The following CHM variants were observed in gnomAD, a reference collection of about 807,000 sequenced individuals.
CHM encodes the protein CHM Rab escort protein, also known as rab proteins geranylgeranyltransferase component A 1.
Under a neutral mutation model 49.0 loss-of-function variants are expected in CHM, and 10 were observed. That is an observed-to-expected ratio of 0.20 (90% CI 0.13 to 0.35). The LOEUF is 0.35. Ranked by LOEUF, CHM falls within the 10% of genes least tolerant of loss-of-function variation. The pLI, the probability that CHM is intolerant of heterozygous loss-of-function variation, is 1.00. For synonymous variants in CHM, 184 were observed against 167.5 expected (o/e 1.10, Z -0.76); for missense variants, 455 against 478.4 (o/e 0.95, Z 0.46).
At chrX:86,032,016 A>C (rs1332542114) in intron 1 of CHM, among the ~76,000 whole-genome samples, 3 of 112,382 alleles carry the variant, frequency 2.7e-5, no homozygotes, top group Non-Finnish European at 5.6e-5. Flanking sequence ...TGTTTTGTTT[A>C]AATTAATATT....
chrX:86,006,032 G>A (rs990826625), intron 2 of CHM, among the ~76,000 whole-genome samples: 1 of 111,501 alleles, frequency 9.0e-6, no homozygotes, highest in Non-Finnish European at 1.9e-5. Context: ...CTGGGAAACC[G>A]AATACACCAG....
intron 9 of CHM, among the ~76,000 whole-genome samples, chrX:85,901,906 T>C (rs16980331): frequency 0.17 from 18,966 of 111,048 alleles, 1,548 homozygotes; most frequent in Non-Finnish European, 0.25. Context: ...CTTCTTTCAA[T>C]GTGTCTAGAT....
chrX:85,908,045 G>A (rs1443267262), intron 9 of CHM, among the ~76,000 whole-genome samples: 1 of 111,593 alleles, frequency 9.0e-6, no homozygotes, highest in Non-Finnish European at 1.9e-5. Context: ...GTTCTTAACT[G>A]TCCTAAAGAG....
chrX:86,013,625 C>T (rs1933168909), intron 2 of CHM, among the ~76,000 whole-genome samples: 1 of 109,043 alleles, frequency 9.2e-6, no homozygotes, highest in Non-Finnish European at 1.9e-5. Context: ...GTCCCAGCTA[C>T]TCGGGAGGCT....
intron 8 of CHM, among the ~76,000 whole-genome samples, chrX:85,924,007 A>G (rs1357847122): frequency 8.9e-6 from 1 of 111,891 alleles, no homozygotes; most frequent in African/African-American, 3.3e-5. Flanking sequence ...ACAGTAGGAA[A>G]CGAGGACGCA....
At chrX:86,025,726 G>GAA (rs147826568) in intron 2 of CHM, among the ~76,000 whole-genome samples, 18 of 98,207 alleles carry the variant, frequency 1.8e-4, no homozygotes, top group South Asian at 4.7e-4. Context: ...AAAAGAAAAA[G>GAA]AAAAAAAAAA....
intron 2 of CHM, among the ~76,000 whole-genome samples, chrX:85,985,490 G>A (rs1415939393): frequency 9.0e-6 from 1 of 111,408 alleles, no homozygotes; most frequent in African/African-American, 3.3e-5. Context: ...CAGCCTTCAG[G>A]CTTCGGAGAG....
Position 85,894,230 on chromosome X carries a change from T to C in CHM, c.1468A>G (p.Ile490Val). 8.3e-7 allele frequency: 1 copy of C among 1,210,848 alleles called. No individual in the cohort carries two copies. Residue 490 changes from isoleucine (I) to valine (V), a missense_variant, in exon 12 of 15, where the codon ATT (isoleucine) becomes GTT (valine). Coordinates refer to ENST00000357749, the MANE Select transcript of CHM (RefSeq NM_000390.4). The part of the protein sequence containing the change: ...EEPGTFAVRV[I>V]ELCSSTMTCM... ...GTCATCGTTGAAGAACATAACTCAA[T>C]GACCCGAACAGCAAAAGTTCCTGGT... is the stretch of plus-strand genomic sequence containing the variant.
chrX:85,884,900 A>G (rs1451661514), intron 12 of CHM, among the ~76,000 whole-genome samples: 1 of 111,182 alleles, frequency 9.0e-6, no homozygotes, highest in Admixed American at 9.6e-5. Context: ...TGAGAATTAT[A>G]CATTTTATCT....
rs1376693278 is a variant in CHM at position 85,861,437 on chromosome X, G to A, written c.*3193C>T. 1 of 111,286 alleles carries A rather than the reference G, an allele frequency of 9.0e-6. No homozygotes were observed. Among genetic ancestry groups the A allele is most frequent in the African/African-American group, 3.3e-5 (1 of 30,669 alleles). The allele number at this position is 111,286 out of a possible 1,213,427, so 9.2% of individuals were successfully genotyped here. A position where few individuals can be genotyped will look rare whatever the true frequency, so the allele number is the denominator to read the frequency against. On this transcript the variant is annotated 3_prime_UTR_variant, in exon 15 of 15. Transcript: ENST00000357749. ...TAGGACTTTAGACAAAGGCTACCAA[G>A]GCTGACAATCCAGGTAACTATGGCA... is the stretch of plus-strand genomic sequence containing the variant.
At chrX:85,920,196 C>T (rs763509466) in intron 8 of CHM, among the ~76,000 whole-genome samples, 138 of 109,629 alleles carry the variant, frequency 1.3e-3, no homozygotes, top group African/African-American at 3.8e-3. Flanking sequence ...CCCTGGTTCA[C>T]GCCATTCTCC....
At chrX:86,005,651 T>G (rs1393614115) in intron 2 of CHM, among the ~76,000 whole-genome samples, 1 of 111,817 alleles carries the variant, frequency 8.9e-6, no homozygotes, top group Non-Finnish European at 1.9e-5. Flanking sequence ...GCAAATAAAT[T>G]AGAAAATCTA....
At chrX:85,964,494 GTTGTT>G (rs1039219269) in intron 4 of CHM, among the ~76,000 whole-genome samples, 11 of 110,836 alleles carry the variant, frequency 9.9e-5, no homozygotes, top group African/African-American at 3.6e-4. Context: ...CTACCACAAG[GTTGTT>G]TTGAAGATTA....
chrX:85,886,973 A>G (rs774546063), intron 12 of CHM, among the ~76,000 whole-genome samples: 13 of 105,929 alleles, frequency 1.2e-4, no homozygotes, highest in Non-Finnish European at 2.5e-4. Context: ...AAGAATGCAT[A>G]CTAGATTTTT....
chrX:85,888,288 T>C (rs1368510862), intron 12 of CHM, among the ~76,000 whole-genome samples: 1 of 112,094 alleles, frequency 8.9e-6, no homozygotes, highest in Non-Finnish European at 1.9e-5. Flanking sequence ...CTCATAACGT[T>C]ATGAGTTATT....
At chrX:85,985,962 C>A (rs1931880453) in intron 2 of CHM, among the ~76,000 whole-genome samples, 1 of 111,546 alleles carries the variant, frequency 9.0e-6, no homozygotes, top group Non-Finnish European at 1.9e-5. Flanking sequence ...CTGGACAGAG[C>A]CCCCAGGAGC....
At position 85,862,682 on chromosome X, in the gene CHM, A is replaced by T. The variant is rs1923425113; in HGVS notation, c.*1948T>A. 1 of 111,765 alleles carries T rather than the reference A, an allele frequency of 8.9e-6. No homozygotes were observed. Among genetic ancestry groups the T allele is most frequent in the African/African-American group, 3.3e-5 (1 of 30,715 alleles). 9.2% of individuals were successfully genotyped at this position (111,765 alleles called of 1,213,427 possible). ...GAGGTAGGGATAGGAGCAGCCTGAG[A>T]GGCTAGTAAGTTAAGTTCTTCCATT... is the stretch of plus-strand genomic sequence containing the variant. On this transcript the variant is annotated 3_prime_UTR_variant, in exon 15 of 15. Coordinates refer to ENST00000357749, the MANE Select transcript of CHM (RefSeq NM_000390.4).
intron 12 of CHM, among the ~76,000 whole-genome samples, chrX:85,887,317 G>T (rs1375125743): frequency 9.0e-6 from 1 of 111,177 alleles, no homozygotes; most frequent in Non-Finnish European, 1.9e-5. Context: ...ACAAGAGGGA[G>T]TTTCCCTGCA....
intron 11 of CHM, 90 bp from the exon 12 acceptor site, chrX:85,894,374 T>C: frequency 1.5e-6 from 1 of 652,025 alleles, no homozygotes; most frequent in Non-Finnish European, 2.5e-6. Context: ...CTAAACTGAG[T>C]ATCTTTTTCA....
Sources: gnomAD v4.1 joint callset for allele counts (sites outside exome capture counted in the v4.1 genomes callset) on GRCh38, gnomAD v4.1.1 for gene constraint, MANE v1.5 for transcripts, NCBI Gene and HGNC (gene_info 2026-07-23, HGNC 2026-07-21) for gene names.